CHST8: variants seen among roughly 807,000 people sequenced by gnomAD.
CHST8 encodes carbohydrate sulfotransferase 8.
A neutral mutation model predicts 15.0 loss-of-function variants in CHST8; 10 were observed. The ratio of observed to expected loss-of-function variants is 0.67; its 90% confidence interval spans 0.41 to 1.13. The LOEUF is 1.13. CHST8 is among the 50% of genes most tolerant of loss of function. The pLI, the probability that CHST8 is intolerant of heterozygous loss-of-function variation, is 0.00. For synonymous variants in CHST8, 259 were observed against 256.6 expected, an observed-to-expected ratio of 1.01 and a Z score of -0.09; for missense variants, 634 against 608.2, an observed-to-expected ratio of 1.04 and a Z score of -0.45.
chr19:33,700,039 T>A (rs1973301500), intron 3 of CHST8, among the ~76,000 whole-genome samples: 1 of 152,166 alleles, frequency 6.6e-6, no homozygotes, highest in African/African-American at 2.4e-5. Context: ...GGGAAATATG[T>A]CTACTGGCCC....
chr19:33,712,839 T>A (rs1973585206), intron 3 of CHST8, among the ~76,000 whole-genome samples: 1 of 152,122 alleles, frequency 6.6e-6, no homozygotes, highest in South Asian at 2.1e-4. Flanking sequence ...CTGCTCAGTG[T>A]CTGCCCTGAT....
At chr19:33,749,874 A>AT (rs1974381430) in intron 3 of CHST8, among the ~76,000 whole-genome samples, 1 of 152,196 alleles carries the variant, frequency 6.6e-6, no homozygotes, top group Admixed American at 6.5e-5. Flanking sequence ...CACCCAGCTC[A>AT]TGAAAGGGTC....
At chr19:33,675,040 G>A (rs538246297) in intron 2 of CHST8, among the ~76,000 whole-genome samples, 11 of 152,296 alleles carry the variant, frequency 7.2e-5, no homozygotes, top group African/African-American at 2.4e-4. Context: ...ACACCTGCAT[G>A]CTCACACATG....
At chr19:33,653,176 G>A (rs1972471236) in intron 1 of CHST8, among the ~76,000 whole-genome samples, 1 of 152,096 alleles carries the variant, frequency 6.6e-6, no homozygotes, top group African/African-American at 2.4e-5. Context: ...AGTTCTTTCA[G>A]GGAAGGCCTA....
chr19:33,723,944 G>A (rs1207353770), intron 3 of CHST8, among the ~76,000 whole-genome samples: 2 of 152,190 alleles, frequency 1.3e-5, no homozygotes, highest in South Asian at 4.1e-4. Flanking sequence ...GGCTGAGAGT[G>A]GGGAGGAGTA....
At chr19:33,715,920 G>C (rs1973657012) in intron 3 of CHST8, among the ~76,000 whole-genome samples, 1 of 152,294 alleles carries the variant, frequency 6.6e-6, no homozygotes, top group South Asian at 2.1e-4. Context: ...AGTCCATAGA[G>C]GCTTTACACC....
intron 3 of CHST8, among the ~76,000 whole-genome samples, chr19:33,722,964 G>A (rs1268583353): frequency 6.6e-6 from 1 of 152,154 alleles, no homozygotes; most frequent in East Asian, 1.9e-4. Context: ...TTTTCACCTG[G>A]CATTCACCCT....
At chr19:33,754,028 C>T (rs1414051473) in intron 3 of CHST8, among the ~76,000 whole-genome samples, 1 of 4,004 alleles carries the variant, frequency 2.5e-4, no homozygotes, top group Admixed American at 2.4e-3. Context: ...ATCCCCCCTC[C>T]ATCCCCCCAC....
rs73587177 is a variant in CHST8, at chr19:33,651,324, T to G, written c.-163-16443T>G. On this transcript the variant is annotated intron_variant, in intron 1 of 4. Coordinates refer to ENST00000650847, the MANE Select transcript of CHST8 (RefSeq NM_001127895.2). Reference sequence around the variant, plus strand: ...TCTTGTTCTATTCCTGACTTTAATATTTCACCATTAATCATGATTGTATCT... The same window carrying G: ...TCTTGTTCTATTCCTGACTTTAATAGTTCACCATTAATCATGATTGTATCT... Among the ~76,000 whole-genome samples, 477 of 152,262 alleles carry G rather than the reference T, an allele frequency of 3.1e-3. 4 individuals are homozygous for G. The highest frequency in any genetic ancestry group is 0.011 in the African/African-American group (455 of 41,558).
At chr19:33,686,013 G>A (rs1007711404) in intron 2 of CHST8, among the ~76,000 whole-genome samples, 1 of 152,174 alleles carries the variant, frequency 6.6e-6, no homozygotes, top group Non-Finnish European at 1.5e-5. Flanking sequence ...CACGGAGCAG[G>A]GAGTTAGCTG....
chr19:33,643,337 C>T (rs1568312395), intron 1 of CHST8, among the ~76,000 whole-genome samples: 1 of 152,284 alleles, frequency 6.6e-6, no homozygotes, highest in South Asian at 2.1e-4. Context: ...CAAAGTCATG[C>T]ATGTGCATAG....
chr19:33,711,540 C>T (rs1424277838), intron 3 of CHST8, among the ~76,000 whole-genome samples: 1 of 152,148 alleles, frequency 6.6e-6, no homozygotes, highest in East Asian at 1.9e-4. Flanking sequence ...TTGTATACTT[C>T]TGTACTTCTG....
intron 1 of CHST8, among the ~76,000 whole-genome samples, chr19:33,631,316 C>T (rs1402093909): frequency 2.0e-5 from 3 of 152,160 alleles, no homozygotes; most frequent in Non-Finnish European, 4.4e-5. Flanking sequence ...TTCTGACTTC[C>T]AAAGACTCAG....
chr19:33,769,745 T>C (rs1404293343), intron 3 of CHST8, among the ~76,000 whole-genome samples: 1 of 152,098 alleles, frequency 6.6e-6, no homozygotes, highest in African/African-American at 2.4e-5. Flanking sequence ...CCAGGTCTAC[T>C]TGGAGCTTCC....
intron 3 of CHST8, among the ~76,000 whole-genome samples, chr19:33,706,279 A>G (rs1973444934): frequency 6.6e-6 from 1 of 152,204 alleles, no homozygotes; most frequent in Non-Finnish European, 1.5e-5. Context: ...TCCTGCTCAC[A>G]GCAGACATGT....
intron 2 of CHST8, among the ~76,000 whole-genome samples, chr19:33,676,442 C>A (rs1220850784): frequency 6.6e-6 from 1 of 152,068 alleles, no homozygotes. Context: ...TGGTGGCACA[C>A]GCCTGTAGTC....
chr19:33,749,956 C>A (rs1974382878), intron 3 of CHST8, among the ~76,000 whole-genome samples: 1 of 152,156 alleles, frequency 6.6e-6, no homozygotes, highest in African/African-American at 2.4e-5. Context: ...TTTCTCCTGT[C>A]CACAGGCTGC....
At chr19:33,765,585 C>T (rs113148590) in intron 3 of CHST8, among the ~76,000 whole-genome samples, 39 of 120,972 alleles carry the variant, frequency 3.2e-4, no homozygotes, top group African/African-American at 1.0e-3. Flanking sequence ...GAGAGAGAGA[C>T]GGAGTCTTAC....
chr19:33,672,043 G>A (rs571185332), intron 2 of CHST8, among the ~76,000 whole-genome samples: 1 of 151,980 alleles, frequency 6.6e-6, no homozygotes, highest in East Asian at 1.9e-4. Context: ...ATATATATGT[G>A]TGTGCATATA....
Sources: allele counts gnomAD v4.1 joint callset (sites outside exome capture counted in the v4.1 genomes callset), GRCh38; gene constraint gnomAD v4.1.1; transcripts MANE v1.5; gene names NCBI Gene and HGNC (gene_info 2026-07-23, HGNC 2026-07-21).